The following CD300C variants were observed in gnomAD, a reference collection of about 807,000 sequenced individuals.
CD300C encodes CMRF35-like molecule 6.
In CD300C, 11 loss-of-function variants were observed where a neutral mutation model predicts 18.4. The observed-to-expected ratio is 0.60, with a 90% CI of 0.38 to 0.99. The LOEUF (loss-of-function observed/expected upper bound fraction) is 0.99. Ranked by LOEUF, CD300C falls within the 50% of genes least tolerant of loss-of-function variation. CD300C has a pLI of 0.01. For synonymous variants in CD300C, 116 were observed against 116.3 expected, an observed-to-expected ratio of 1.00 and a Z score of 0.02; for missense variants, 277 against 287.4, an observed-to-expected ratio of 0.96 and a Z score of 0.26.
chr17:74,544,421 A>C (rs113010233), intron 2 of CD300C, among the ~76,000 whole-genome samples, 188 bp downstream of exon 2: 1,065 of 81,332 alleles, frequency 0.013, 16 homozygotes, highest in African/African-American at 0.084. Context: ...CACACAAACC[A>C]CACCACAACT....
downstream of CD300C, among the ~76,000 whole-genome samples, chr17:74,536,662 G>C (rs1908387291): frequency 6.6e-6 from 1 of 152,034 alleles, no homozygotes; most frequent in African/African-American, 2.4e-5. Context: ...TTAGTAAGCA[G>C]AGAAATTCAA....
chr17:74,542,825 G>A (rs192199557), intron 3 of CD300C, 36 bp downstream of exon 3: 12 of 1,576,550 alleles, frequency 7.6e-6, no homozygotes, highest in Middle Eastern at 2.2e-4. Context: ...TGGGGAGGCC[G>A]CCAGCGTGGC....
chr17:74,543,061 A>G (rs1215145366), intron 2 of CD300C, 74 bp from the exon 3 acceptor site: 41 of 1,577,632 alleles, frequency 2.6e-5, no homozygotes, highest in Middle Eastern at 1.7e-4. Context: ...TTCTGCTCCA[A>G]TTTTCACAGA....
In CD300C at chr17:74,545,942, C is replaced by T; in HGVS notation, c.-160G>A. Reference sequence around the variant, plus strand: ...TCTGAGGCTGGAGAGGGTCAGGGTACAGGAAGCTCAGGGAGAGAGCCGCCT... The same window carrying T: ...TCTGAGGCTGGAGAGGGTCAGGGTATAGGAAGCTCAGGGAGAGAGCCGCCT... On this transcript the variant is annotated 5_prime_UTR_variant, in exon 1 of 4. Transcript: ENST00000330793. 2 of 660,710 alleles carry T rather than the reference C, an allele frequency of 3.0e-6. No individual in the cohort carries two copies. The highest frequency in any genetic ancestry group is 5.3e-6 in the Non-Finnish European group (2 of 378,104). 40.9% of individuals were successfully genotyped at this position (660,710 alleles called of 1,614,324 possible).
At chr17:74,535,880 A>G in the CD300C span, among the ~76,000 whole-genome samples, 8 of 152,220 alleles carry the variant, frequency 5.3e-5, no homozygotes, top group Non-Finnish European at 1.2e-4. Flanking sequence ...AAAATAAGCA[A>G]TTAGGCAAAT....
At chr17:74,536,383 A>T (rs1047670714), downstream of CD300C, among the ~76,000 whole-genome samples, 11 of 152,058 alleles carry the variant, frequency 7.2e-5, no homozygotes, top group African/African-American at 2.4e-4. Context: ...AATTCAAAAA[A>T]TTAGCAGGAC....
Position 74,545,856 on chromosome 17 carries a change from A to C in CD300C, c.-74T>G. Reference sequence around the variant, plus strand: ...ACAAAATGTAATCTCCTCCCAGCAGATCTGAGCTTCGCTTCTGCTTTTCTT... The same window carrying C: ...ACAAAATGTAATCTCCTCCCAGCAGCTCTGAGCTTCGCTTCTGCTTTTCTT... On this transcript the variant is annotated 5_prime_UTR_variant, in exon 1 of 4. Coordinates refer to ENST00000330793, the MANE Select transcript of CD300C (RefSeq NM_006678.5). The C allele has an allele frequency of 8.2e-7, 1 of 1,213,198 alleles. No homozygotes were observed. The highest frequency in any genetic ancestry group is 1.2e-6 in the Non-Finnish European group (1 of 841,112). 75.2% of individuals were successfully genotyped at this position (1,213,198 alleles called of 1,614,324 possible). A position where few individuals can be genotyped will look rare whatever the true frequency, so the allele number is the denominator to read the frequency against.
At chr17:74,543,692 C>G (rs551808644) in intron 2 of CD300C, among the ~76,000 whole-genome samples, 17 of 152,222 alleles carry the variant, frequency 1.1e-4, no homozygotes, top group Admixed American at 1.1e-3. Context: ...AAATGGAGAA[C>G]AAGAAGATGC....
chr17:74,538,867 G>A (rs182844200), downstream of CD300C, among the ~76,000 whole-genome samples: 10 of 152,328 alleles, frequency 6.6e-5, no homozygotes, highest in East Asian at 3.9e-4. Context: ...GTTGAGCGGC[G>A]GCTGCTAGTG....
downstream of CD300C, among the ~76,000 whole-genome samples, chr17:74,536,997 C>T (rs1196606105): frequency 6.8e-6 from 1 of 146,612 alleles, no homozygotes; most frequent in Non-Finnish European, 1.5e-5. Flanking sequence ...GGAGGAGGAC[C>T]AAGAGGTAGG....
At chr17:74,540,619 G>A (rs868082300), downstream of CD300C, among the ~76,000 whole-genome samples, 3 of 152,194 alleles carry the variant, frequency 2.0e-5, 1 homozygote, top group South Asian at 6.2e-4. Flanking sequence ...GGTCTTGGGT[G>A]TTGGCCAGGT....
chr17:74,545,566 G>A (rs1908731055), intron 1 of CD300C, among the ~76,000 whole-genome samples, 156 bp downstream of exon 1: 1 of 152,164 alleles, frequency 6.6e-6, no homozygotes, highest in Non-Finnish European at 1.5e-5. Flanking sequence ...GCTGTCCCCT[G>A]GTGAGGCAGC....
chr17:74,544,879 G>A lies in CD300C; in HGVS notation c.130C>T (p.Arg44Cys), dbSNP rs774356354. The part of the protein sequence containing the change: ...PVGGSLSVQC[R>C]YEKEHRTLNK... ...AGGGTCCTGTGTTCCTTCTCATAGC[G>A]ACACTGCACACTCAGGGATCCCCCC... The change falls in exon 2 of 4, where the codon CGC becomes TGC. Residue 44 changes from arginine to cysteine, a missense_variant. Coordinates refer to ENST00000330793, the MANE Select transcript of CD300C (RefSeq NM_006678.5). 55 of 1,614,006 alleles carry A rather than the reference G, an allele frequency of 3.4e-5. No homozygotes were observed. Among genetic ancestry groups the A allele is most frequent in the Non-Finnish European group, 4.4e-5 (52 of 1,179,996 alleles).
Position 74,544,976 on chromosome 17 carries a change from C to T in CD300C, c.62-29G>A, listed in dbSNP as rs770077204. ...AAAAATACAAGCCAAAATCCTGTCTCCTTACCAGAGGGGCCTGGTCAGGGG... is the reference window on the plus strand; with the variant it reads ...AAAAATACAAGCCAAAATCCTGTCTTCTTACCAGAGGGGCCTGGTCAGGGG... On this transcript the variant is annotated intron_variant, in intron 1 of 3. Transcript: ENST00000330793. 28 of 1,576,444 alleles carry T rather than the reference C, an allele frequency of 1.8e-5. No homozygotes were observed. The East Asian group carries it at 1.8e-4, about 10-fold the overall frequency.
At position 74,542,852 on chromosome 17, in the gene CD300C, G is replaced by A; in HGVS notation, c.527+9C>T. On this transcript the variant is annotated intron_variant, in intron 3 of 3. Transcript: ENST00000330793. ...CAGCGTGGCCCAGTCCTATGCGCAG[G>A]CACCTTACCCAGGGTGTGGGCTGGG... is the stretch of plus-strand genomic sequence containing the variant. 1 of 1,603,414 alleles carries A rather than the reference G, an allele frequency of 6.2e-7. No homozygotes were observed. The highest frequency in any genetic ancestry group is 8.5e-7 in the Non-Finnish European group (1 of 1,179,666).
chr17:74,539,708 C>A (rs949492915), downstream of CD300C, among the ~76,000 whole-genome samples: 2 of 152,222 alleles, frequency 1.3e-5, no homozygotes, highest in Admixed American at 6.5e-5. Flanking sequence ...AGACCCTCAA[C>A]CTCCCACTCC....
In CD300C at chr17:74,542,891, T is replaced by C. The variant is rs767460184; in HGVS notation, c.497A>G (p.Lys166Arg). The C allele has an allele frequency of 1.9e-6, 3 of 1,610,500 alleles. No homozygotes were observed. The highest frequency in any genetic ancestry group is 1.1e-5 in the South Asian group (1 of 91,044). Residue 166 changes from lysine to arginine, a missense_variant, in exon 3 of 4, where the codon AAG (lysine) becomes AGG (arginine). Lys to Arg is a conservative substitution (Grantham distance 26). Transcript: ENST00000330793. Reference protein sequence around the residue: ...PVHTWPSVTRKDSPEPSPHPG... With the variant: ...PVHTWPSVTRRDSPEPSPHPG... ...GTGTGGGCTGGGTTCGGGGCTGTCC[T>C]TTCTGGTCACGCTGGGCCAGGTGTG...
rs779013086 is a variant in CD300C at position 74,545,802 on chromosome 17, C to T, written c.-20G>A. 7 of 1,600,412 alleles carry T rather than the reference C, an allele frequency of 4.4e-6. No homozygotes were observed. Among genetic ancestry groups the T allele is most frequent in the Non-Finnish European group, 6.0e-6 (7 of 1,172,930 alleles). ...AGTCATTCCTGTAACACGAATGTCACCTGCCACTGTGCAAGACCCCAGGAG... is the reference window on the plus strand; with the variant it reads ...AGTCATTCCTGTAACACGAATGTCATCTGCCACTGTGCAAGACCCCAGGAG... On this transcript the variant is annotated 5_prime_UTR_variant, in exon 1 of 4. The change creates a new upstream start codon in the 5' untranslated region. Transcript: ENST00000330793.
chr17:74,539,234 A>T (rs1908468784), downstream of CD300C, among the ~76,000 whole-genome samples: 1 of 152,150 alleles, frequency 6.6e-6, no homozygotes, highest in African/African-American at 2.4e-5. Context: ...TGGCACCATG[A>T]AGGGGTCACT....
Sources: allele counts gnomAD v4.1 joint callset (sites outside exome capture counted in the v4.1 genomes callset), GRCh38; gene constraint gnomAD v4.1.1; transcripts MANE v1.5; gene names NCBI Gene and HGNC (gene_info 2026-07-23, HGNC 2026-07-21).